Variants in CREB5 observed in about 807,000 individuals in gnomAD.
The protein encoded by CREB5 is cAMP responsive element binding protein 5, also known as cyclic AMP-responsive element-binding protein 5.
CREB5 carries 19 observed loss-of-function variants against 57.1 expected under a neutral mutation model. The ratio of observed to expected loss-of-function variants is 0.33; its 90% CI spans 0.23 to 0.49. The LOEUF is 0.49. Among genes scored for constraint, CREB5 ranks in the 20% least tolerant of loss-of-function variants. CREB5 has a pLI of 0.99. For missense variants in CREB5, 579 were observed against 671.6 expected, an observed-to-expected ratio of 0.86 and a Z score of 1.52; for synonymous variants, 238 against 238.3, an observed-to-expected ratio of 1.00 and a Z score of 0.01.
At chr7:28,650,601 A>G (rs1023175466) in intron 5 of CREB5, among the ~76,000 whole-genome samples, 1 of 152,030 alleles carries the variant, frequency 6.6e-6, no homozygotes, top group African/African-American at 2.4e-5. Flanking sequence ...TCCCCCCCCA[A>G]CCTTCCATAG....
chr7:28,360,547 G>A (rs1786453817), intron 1 of CREB5, among the ~76,000 whole-genome samples: 1 of 152,148 alleles, frequency 6.6e-6, no homozygotes, highest in Non-Finnish European at 1.5e-5. Context: ...GAGTACTGTG[G>A]TGGTTACGAA....
At chr7:28,346,804 G>A (rs1316519335) in intron 1 of CREB5, among the ~76,000 whole-genome samples, 1 of 151,762 alleles carries the variant, frequency 6.6e-6, no homozygotes, top group Non-Finnish European at 1.5e-5. Flanking sequence ...TCCTGTAAAG[G>A]GATCTGGGGA....
upstream of CREB5, among the ~76,000 whole-genome samples, chr7:28,408,119 G>A (rs1787626832): frequency 6.6e-6 from 1 of 152,184 alleles, no homozygotes; most frequent in Admixed American, 6.5e-5. Flanking sequence ...TGAAAACAGG[G>A]ATTGAGTTGG....
chr7:28,516,001 A>T (rs1792933754), intron 4 of CREB5, among the ~76,000 whole-genome samples: 2 of 151,998 alleles, frequency 1.3e-5, no homozygotes, highest in African/African-American at 4.8e-5. Flanking sequence ...TGAGCTCAGG[A>T]GTTTAAGATT....
At chr7:28,386,713 T>G (rs752829900) in intron 1 of CREB5, among the ~76,000 whole-genome samples, 1 of 152,224 alleles carries the variant, frequency 6.6e-6, no homozygotes, top group Non-Finnish European at 1.5e-5. Flanking sequence ...TTTGTTTCCC[T>G]TGCTTCTGTT....
At chr7:28,501,040 A>G (rs1792254627) in intron 3 of CREB5, among the ~76,000 whole-genome samples, 1 of 152,148 alleles carries the variant, frequency 6.6e-6, no homozygotes, top group South Asian at 2.1e-4. Flanking sequence ...TGTGCTTTAC[A>G]TACATTAGGT....
At chr7:28,375,009 T>C (rs955145682) in intron 1 of CREB5, among the ~76,000 whole-genome samples, 1 of 152,140 alleles carries the variant, frequency 6.6e-6, no homozygotes, top group African/African-American at 2.4e-5. Flanking sequence ...CAGAAGACTG[T>C]GAAGTTATAT....
At chr7:28,733,393 C>T (rs1162304930) in intron 7 of CREB5, among the ~76,000 whole-genome samples, 5 of 152,202 alleles carry the variant, frequency 3.3e-5, no homozygotes, top group Admixed American at 2.0e-4. Flanking sequence ...TTCTCCTCCA[C>T]TCATCTCTGC....
intron 2 of CREB5, among the ~76,000 whole-genome samples, chr7:28,492,251 C>T (rs1036348040): frequency 1.3e-5 from 2 of 152,340 alleles, no homozygotes; most frequent in African/African-American, 2.4e-5. Flanking sequence ...CCATCCGCCT[C>T]GGCTTCCCAA....
At chr7:28,344,983 C>G (rs185189995) in intron 1 of CREB5, among the ~76,000 whole-genome samples, 2 of 152,220 alleles carry the variant, frequency 1.3e-5, no homozygotes, top group East Asian at 3.9e-4. Flanking sequence ...AATTTATGCA[C>G]CCAACATCAG....
chr7:28,769,443 A>G (rs1806203990), intron 7 of CREB5, among the ~76,000 whole-genome samples: 1 of 152,260 alleles, frequency 6.6e-6, no homozygotes, highest in Non-Finnish European at 1.5e-5. Context: ...TTGACATGTT[A>G]CATATACCCA....
chr7:28,740,368 G>T (rs1804263818), intron 7 of CREB5, among the ~76,000 whole-genome samples: 1 of 152,104 alleles, frequency 6.6e-6, no homozygotes, highest in Non-Finnish European at 1.5e-5. Flanking sequence ...CTTTCTGTTT[G>T]GTATTTTTCC....
intron 1 of CREB5, among the ~76,000 whole-genome samples, chr7:28,312,862 T>C (rs1785307226): frequency 6.6e-6 from 1 of 152,190 alleles, no homozygotes; most frequent in Admixed American, 6.5e-5. Flanking sequence ...TGGTCAAGCC[T>C]GAGTGTTGGT....
intron 1 of CREB5, among the ~76,000 whole-genome samples, chr7:28,306,818 C>T (rs1005173004): frequency 6.6e-6 from 1 of 152,056 alleles, no homozygotes; most frequent in African/African-American, 2.4e-5. Context: ...GCCTCGGCCT[C>T]CCAAAGTGCT....
intron 7 of CREB5, among the ~76,000 whole-genome samples, chr7:28,786,735 T>C (rs1807352881): frequency 6.6e-6 from 1 of 152,130 alleles, no homozygotes; most frequent in African/African-American, 2.4e-5. Context: ...TTTTGGTTGA[T>C]TGTTTGAAAA....
intron 5 of CREB5, among the ~76,000 whole-genome samples, chr7:28,582,232 T>C (rs1796147029): frequency 6.7e-6 from 1 of 149,062 alleles, no homozygotes; most frequent in South Asian, 2.3e-4. Context: ...CATGGGAGTA[T>C]AGAGTTGCTG....
intron 5 of CREB5, among the ~76,000 whole-genome samples, chr7:28,697,853 AT>A (rs1801654384): frequency 6.6e-6 from 1 of 152,126 alleles, no homozygotes; most frequent in South Asian, 2.1e-4. Flanking sequence ...TATTTATGTC[AT>A]TGTGTCTGCT....
chr7:28,685,742 G>A lies in CREB5; in HGVS notation c.465-33011G>A, dbSNP rs535821238. Among the ~76,000 whole-genome samples, 16 of 149,338 alleles carry A rather than the reference G, an allele frequency of 1.1e-4. No homozygotes were observed. In the South Asian group the frequency reaches 1.7e-3, roughly 16 times the overall value. On this transcript the variant is annotated intron_variant, in intron 5 of 10. Transcript: ENST00000357727. ...AGCTGACCCCTGCCTGCAGAACTCC[G>A]GGTCCCTCTTGGAGCTCTCTGATGG...
At chr7:28,802,010 G>C (rs567788851) in intron 7 of CREB5, among the ~76,000 whole-genome samples, 1 of 146,004 alleles carries the variant, frequency 6.8e-6, no homozygotes, top group South Asian at 2.2e-4. Context: ...GCTTGAACCC[G>C]GGAGGCAGAG....
Sources: allele counts gnomAD v4.1 joint callset (sites outside exome capture counted in the v4.1 genomes callset), GRCh38; gene constraint gnomAD v4.1.1; transcripts MANE v1.5; gene names NCBI Gene and HGNC (gene_info 2026-07-23, HGNC 2026-07-21).